Variants in PDPN observed in about 807,000 individuals in gnomAD.
PDPN encodes PA2.26 antigen.
Under a neutral mutation model 23.2 loss-of-function variants are expected in PDPN, and 12 were observed. The ratio of observed to expected loss-of-function variants is 0.52; its 90% CI spans 0.33 to 0.84. The LOEUF is 0.84. PDPN is among the 40% of genes least tolerant of loss of function. PDPN has a pLI of 0.02. For synonymous variants in PDPN, 77 were observed against 76.7 expected (o/e 1.00, Z -0.02); for missense variants, 199 against 212.2 (o/e 0.94, Z 0.39).
In PDPN at chr1:13,617,564, G is replaced by A. The variant is rs1253214355; in HGVS notation, c.*1653G>A. The A allele has an allele frequency of 6.6e-6, 1 of 152,196 alleles. No homozygotes were observed. The highest frequency in any genetic ancestry group is 2.1e-4 in the South Asian group (1 of 4,832). 9.4% of individuals were successfully genotyped at this position (152,196 alleles called of 1,614,324 possible). A position where few individuals can be genotyped will look rare whatever the true frequency, so the allele number is the denominator to read the frequency against. On this transcript the variant is annotated 3_prime_UTR_variant, in exon 6 of 6. Coordinates refer to ENST00000621990, the MANE Select transcript of PDPN (RefSeq NM_006474.5). ...ATTTTTGTATTTTTAGTAGAGATGG[G>A]GTTTCACCGTATCGGCGAGGATGAT...
At chr1:13,611,565 G>A (rs1254227909) in intron 3 of PDPN, among the ~76,000 whole-genome samples, 1 of 152,178 alleles carries the variant, frequency 6.6e-6, no homozygotes, top group Non-Finnish European at 1.5e-5. Flanking sequence ...GTTTGCCAGG[G>A]GCTGGGGGAA....
chr1:13,600,751 T>G (rs1192041777), intron 1 of PDPN, among the ~76,000 whole-genome samples: 1 of 152,048 alleles, frequency 6.6e-6, no homozygotes, highest in African/African-American at 2.4e-5. Context: ...AAGACCCCTG[T>G]AATAAGGGGC....
At chr1:13,589,393 C>G (rs116701804) in intron 1 of PDPN, among the ~76,000 whole-genome samples, 2,107 of 152,270 alleles carry the variant, frequency 0.014, 57 homozygotes, top group African/African-American at 0.049. Context: ...TGAGCCAAAT[C>G]TCCCCATAAG....
intron 1 of PDPN, among the ~76,000 whole-genome samples, chr1:13,602,026 ATGCCTTTGGGTGGCTCAT>A (rs879846972): frequency 0.23 from 34,490 of 148,120 alleles, 4,570 homozygotes; most frequent in Admixed American, 0.31. Context: ...TGGGTGGCTC[ATGCCTTTGGGTGGCTCAT>A]GCCTTTGGGT....
intron 1 of PDPN, among the ~76,000 whole-genome samples, chr1:13,585,169 A>C (rs1640143037): frequency 6.6e-6 from 1 of 152,124 alleles, no homozygotes; most frequent in African/African-American, 2.4e-5. Flanking sequence ...TGAAAAGTAA[A>C]CATTTTCCAA....
At chr1:13,615,643 G>C (rs1641053653) in intron 5 of PDPN, among the ~76,000 whole-genome samples, 1 of 152,014 alleles carries the variant, frequency 6.6e-6, no homozygotes, top group South Asian at 2.1e-4. Flanking sequence ...GGAGGGGAGA[G>C]GACAAGTGAT....
At chr1:13,587,511 C>T (rs1424390679) in intron 1 of PDPN, among the ~76,000 whole-genome samples, 1 of 152,114 alleles carries the variant, frequency 6.6e-6, no homozygotes, top group Non-Finnish European at 1.5e-5. Context: ...CTCAACTACT[C>T]AGGATTACCC....
intron 1 of PDPN, among the ~76,000 whole-genome samples, chr1:13,601,727 T>C (rs1640645497): frequency 6.6e-6 from 1 of 152,182 alleles, no homozygotes; most frequent in African/African-American, 2.4e-5. Flanking sequence ...GAAAAGAGGA[T>C]TTATCAGGGT....
rs1446000406 is a variant in PDPN, at chr1:13,617,045, A to G, written c.*1134A>G. The G allele has an allele frequency of 6.6e-6, 1 of 152,230 alleles. No individual in the cohort carries two copies. The highest frequency in any genetic ancestry group is 1.5e-5 in the Non-Finnish European group (1 of 68,054). The allele number at this position is 152,230 out of a possible 1,614,324, so 9.4% of individuals were successfully genotyped here. On this transcript the variant is annotated 3_prime_UTR_variant, in exon 6 of 6. Transcript: ENST00000621990. ...AGAAGACATCCCCAGTCCTCATGAC[A>G]TACCGCAAATATCTGTGGGGTCCTG...
At position 13,599,205 on chromosome 1, in the gene PDPN, T is replaced by C. The variant is rs76874696; in HGVS notation, c.68-7968T>C. Among the ~76,000 whole-genome samples, 1,233 of 149,660 alleles carry C rather than the reference T, an allele frequency of 8.2e-3. 42 individuals carry two copies. In the East Asian group the frequency reaches 0.11, roughly 13 times the overall value. The stretch of plus-strand genomic sequence containing the variant: ...TTTTGTATTTTAGTAGAGACGAGTT[T>C]TCACCATGTTGGCCAGGATGGTCTC... On this transcript the variant is annotated intron_variant, in intron 1 of 5. Transcript: ENST00000621990.
In PDPN at chr1:13,584,321, C is replaced by G. The variant is rs1232889959; in HGVS notation, c.67+221C>G. 2.0e-6 allele frequency: 3 copies of G among 1,496,172 alleles called. No homozygotes were observed. In the African/African-American group the frequency reaches 4.1e-5, roughly 21 times the overall value. 92.7% of individuals were successfully genotyped at this position (1,496,172 alleles called of 1,614,324 possible). On this transcript the variant is annotated intron_variant, in intron 1 of 5. Coordinates refer to ENST00000621990, the MANE Select transcript of PDPN (RefSeq NM_006474.5). ...CTGCGCGGGTGTGCCGGGAGGAGCC[C>G]CGGAATCCACAGGCTGCGAGGTGGG... is the stretch of plus-strand genomic sequence containing the variant.
intron 1 of PDPN, among the ~76,000 whole-genome samples, chr1:13,600,500 G>A (rs545698542): frequency 4.1e-4 from 62 of 152,220 alleles, no homozygotes; most frequent in African/African-American, 1.3e-3. Flanking sequence ...AAGTAGCTGG[G>A]ACTACAGGCC....
At chr1:13,602,780 G>T (rs1640680161) in intron 1 of PDPN, among the ~76,000 whole-genome samples, 1 of 152,036 alleles carries the variant, frequency 6.6e-6, no homozygotes. Flanking sequence ...TGTTGGCCAG[G>T]CTGATCTTGA....
chr1:13,608,535 T>C (rs1640851414), intron 2 of PDPN, among the ~76,000 whole-genome samples: 1 of 152,212 alleles, frequency 6.6e-6, no homozygotes, highest in African/African-American at 2.4e-5. Context: ...GCCCAGATCT[T>C]TCCATGGCTG....
In PDPN at chr1:13,609,030, G is replaced by A. The variant is rs530026687; in HGVS notation, c.202-1357G>A. Among the ~76,000 whole-genome samples, 6 of 152,244 alleles carry A rather than the reference G, an allele frequency of 3.9e-5. No homozygotes were observed. The South Asian group carries it at 1.0e-3, about 26-fold the overall frequency. ...GCAAACTACCCACCAGATTTGGCCCGCCCACTGTGTTTGTAAATGAAGTTT... is the reference window on the plus strand; with the variant it reads ...GCAAACTACCCACCAGATTTGGCCCACCCACTGTGTTTGTAAATGAAGTTT... On this transcript the variant is annotated intron_variant, in intron 2 of 5. Coordinates refer to ENST00000621990, the MANE Select transcript of PDPN (RefSeq NM_006474.5).
chr1:13,610,592 TAGA>T (rs1268087558), intron 3 of PDPN, 76 bp downstream of exon 3: 1 of 1,481,428 alleles, frequency 6.8e-7, no homozygotes, highest in Non-Finnish European at 9.3e-7. Context: ...CATCAACAAA[TAGA>T]ATAATCAATA....
At chr1:13,601,942 C>T (rs1475348501) in intron 1 of PDPN, among the ~76,000 whole-genome samples, 10 of 152,102 alleles carry the variant, frequency 6.6e-5, no homozygotes, top group African/African-American at 1.9e-4. Context: ...TGGTCATTTG[C>T]AAAAGAAAGA....
In PDPN at chr1:13,596,505, T is replaced by C. The variant is rs12031470; in HGVS notation, c.68-10668T>C. Among the ~76,000 whole-genome samples the C allele has an allele frequency of 8.6e-3, 1,311 of 152,336 alleles. 53 individuals are homozygous for C. The East Asian group carries it at 0.11, about 13-fold the overall frequency. On this transcript the variant is annotated intron_variant, in intron 1 of 5. Coordinates refer to ENST00000621990, the MANE Select transcript of PDPN (RefSeq NM_006474.5). Reference sequence around the variant, plus strand: ...GGGGTGAAGGGGGAAAAAAGTTCACTGGCCACATCAGTGATTATGTCGATC... The same window carrying C: ...GGGGTGAAGGGGGAAAAAAGTTCACCGGCCACATCAGTGATTATGTCGATC...
rs140865929 is a variant in PDPN at position 13,613,694 on chromosome 1, G to T, written c.339G>T (p.Val113=). ...NVATSHSTEK[V]DGDTQTTVEK... ...ATATCTTTCTATTCACAGAGAAAGT[G>T]GATGGAGACACACAGACAACAGTTG... Residue 113 remains valine (V), a synonymous_variant, in exon 4 of 6, where the codon GTG becomes GTT. Coordinates refer to ENST00000621990, the MANE Select transcript of PDPN (RefSeq NM_006474.5). The T allele has an allele frequency of 2.6e-4, 379 of 1,446,066 alleles. No homozygotes were observed. Among genetic ancestry groups the T allele is most frequent in the Non-Finnish European group, 3.5e-4 (358 of 1,028,042 alleles). 89.6% of individuals were successfully genotyped at this position (1,446,066 alleles called of 1,614,324 possible).
Sources: allele counts gnomAD v4.1 joint callset (sites outside exome capture counted in the v4.1 genomes callset), GRCh38; gene constraint gnomAD v4.1.1; transcripts MANE v1.5; gene names NCBI Gene and HGNC (gene_info 2026-07-23, HGNC 2026-07-21).